Variants in TBCD observed in about 807,000 individuals in gnomAD.
TBCD encodes tubulin-specific chaperone D.
TBCD carries 105 observed loss-of-function variants against 169.3 expected under a neutral mutation model. The observed-to-expected ratio is 0.62, with a 90% confidence interval of 0.53 to 0.73. The LOEUF (loss-of-function observed/expected upper bound fraction) is 0.73. Ranked by LOEUF, TBCD falls within the 30% of genes least tolerant of loss-of-function variation. The probability of loss-of-function intolerance (pLI) is 0.00; values close to 1 mark genes in which losing one functional copy is unlikely to be tolerated. For synonymous variants in TBCD, 700 were observed against 643.9 expected (o/e 1.09, Z -1.32); for missense variants, 1,444 against 1,600.1 (o/e 0.90, Z 1.66).
chr17:82,928,413 C>T (rs576400837), intron 30 of TBCD, among the ~76,000 whole-genome samples: 1 of 152,336 alleles, frequency 6.6e-6, no homozygotes, highest in South Asian at 2.1e-4. Flanking sequence ...GGGGCCTGCC[C>T]TTGCTGTGTG....
chr17:82,942,505 A>G lies in TBCD; in HGVS notation c.*42A>G, dbSNP rs760108641. ...CATACCTCACCCCTGCCTGGTGAGG[A>G]TGTCTTGTTCCTGAGGGAGGCCGGT... On this transcript the variant is annotated 3_prime_UTR_variant, in exon 39 of 39. Transcript: ENST00000355528. 14 of 1,613,522 alleles carry G rather than the reference A, an allele frequency of 8.7e-6. No homozygotes were observed. The South Asian group carries it at 1.3e-4, about 15-fold the overall frequency.
chr17:82,938,001 G>T, intron 35 of TBCD, 48 bp from the exon 36 acceptor site: 1 of 1,605,458 alleles, frequency 6.2e-7, no homozygotes. Flanking sequence ...GCTGGGGTTG[G>T]CCTGCGCGGG....
intron 7 of TBCD, 80 bp downstream of exon 7, chr17:82,781,801 G>A: frequency 6.4e-7 from 1 of 1,568,198 alleles, no homozygotes; most frequent in East Asian, 2.3e-5. Context: ...TGTTACCTGT[G>A]ATTCCATCTT....
chr17:82,856,071 C>T (rs892431948), intron 13 of TBCD, among the ~76,000 whole-genome samples: 2 of 137,444 alleles, frequency 1.5e-5, no homozygotes, highest in Admixed American at 7.9e-5. Context: ...CTCCTGGCCT[C>T]AAATGATCCT....
intron 6 of TBCD, 54 bp from the exon 7 acceptor site, chr17:82,781,535 G>A: frequency 1.2e-6 from 2 of 1,601,530 alleles, no homozygotes; most frequent in Non-Finnish European, 1.7e-6. Flanking sequence ...GGCTGGTGAG[G>A]CGTGGGCGAG....
Position 82,781,722 on chromosome 17 carries a change from G to T in TBCD, c.771+1G>T. 1.2e-6 allele frequency: 2 copies of T among 1,613,548 alleles called. No individual in the cohort carries two copies. The highest frequency in any genetic ancestry group is 1.7e-6 in the Non-Finnish European group (2 of 1,179,808). On this transcript the variant is annotated splice_donor_variant, in intron 7 of 38. Coordinates refer to ENST00000355528, the MANE Select transcript of TBCD (RefSeq NM_005993.5). LOFTEE classifies it high-confidence loss of function. ...CATGGATGGGACGCTGCAGGCCCTG[G>T]TAAGTGCTGCCCGCAGGGGCTGTGG... is the stretch of plus-strand genomic sequence containing the variant.
rs1412906985 is a variant in TBCD at position 82,915,238 on chromosome 17, C to T, written c.2038+3449C>T. ...GGTGACATGCCGCCCGCAGGAGCAT[C>T]AGGTGCGCCCTGGCCGCAGGTGCCC... On this transcript the variant is annotated intron_variant, in intron 23 of 38. Coordinates refer to ENST00000355528, the MANE Select transcript of TBCD (RefSeq NM_005993.5). This position sits in a 1 kb window ranked among gnomAD's most constrained non-coding sequence, Gnocchi z 4.3. Among the ~76,000 whole-genome samples the T allele has an allele frequency of 6.6e-6, 1 of 152,180 alleles. No homozygotes were observed. The highest frequency in any genetic ancestry group is 1.5e-5 in the Non-Finnish European group (1 of 68,028).
chr17:82,904,768 T>C (rs1417074688), intron 19 of TBCD, among the ~76,000 whole-genome samples: 1 of 152,182 alleles, frequency 6.6e-6, no homozygotes, highest in African/African-American at 2.4e-5. Flanking sequence ...CTAAGGGATC[T>C]TTCAGCTTCG....
chr17:82,759,847 C>T (rs2143867566), intron 2 of TBCD, among the ~76,000 whole-genome samples: 1 of 150,524 alleles, frequency 6.6e-6, no homozygotes, highest in East Asian at 1.9e-4. Flanking sequence ...GTTCCATTGA[C>T]CTATCTGTAT....
chr17:82,906,258 C>T (rs1447693967), intron 20 of TBCD, among the ~76,000 whole-genome samples: 1 of 152,226 alleles, frequency 6.6e-6, no homozygotes, highest in East Asian at 1.9e-4. Context: ...GGGTGGACCA[C>T]CCACCTCTTC....
chr17:82,924,682 G>A (rs544905110), intron 26 of TBCD, among the ~76,000 whole-genome samples: 8 of 152,194 alleles, frequency 5.3e-5, no homozygotes, highest in Non-Finnish European at 1.2e-4. Flanking sequence ...CTGAGTGTGG[G>A]GTTGAGGCTG....
At chr17:82,941,377 A>T (rs2063237865) in intron 37 of TBCD, 22 bp from the exon 38 acceptor site, 2 of 1,564,384 alleles carry the variant, frequency 1.3e-6, no homozygotes, top group Non-Finnish European at 1.7e-6. Flanking sequence ...CGAGAGACTC[A>T]CGGCTCTCCC....
intron 2 of TBCD, among the ~76,000 whole-genome samples, chr17:82,757,646 A>C (rs1243821198): frequency 2.6e-5 from 4 of 151,218 alleles, no homozygotes; most frequent in African/African-American, 4.9e-5. Flanking sequence ...ACCAAAAAAA[A>C]CCCTCTAAAT....
At chr17:82,837,256 T>G (rs1023233396) in intron 13 of TBCD, among the ~76,000 whole-genome samples, 3 of 152,248 alleles carry the variant, frequency 2.0e-5, no homozygotes. Context: ...CGACGGCCAG[T>G]ACCTCAGGCT....
At chr17:82,797,178 G>A (rs1252496151) in intron 7 of TBCD, among the ~76,000 whole-genome samples, 1 of 152,216 alleles carries the variant, frequency 6.6e-6, no homozygotes, top group Non-Finnish European at 1.5e-5. Context: ...TAGAACCAGT[G>A]TTTGAGAGAA....
intron 31 of TBCD, 37 bp downstream of exon 31, chr17:82,929,308 C>A (rs750525759): frequency 1.2e-6 from 2 of 1,610,892 alleles, no homozygotes; most frequent in Admixed American, 1.7e-5. Context: ...GCTGGCCCCG[C>A]AGCCATGGCG....
Position 82,797,762 on chromosome 17 carries a change from A to C in TBCD, c.777A>C (p.Gln259His), listed in dbSNP as rs1247156871. ...TMDGTLQALA[Q>H]IFKHGKREDC... ...ATCTTTTTTTTTTTTTTTAGGCACAAATATTTAAACATGGAAAACGTGAAG... is the reference window on the plus strand; with the variant it reads ...ATCTTTTTTTTTTTTTTTAGGCACACATATTTAAACATGGAAAACGTGAAG... The change falls in exon 8 of 39, where the codon CAA (glutamine) becomes CAC (histidine). Residue 259 changes from glutamine (Q) to histidine (H), a missense_variant. Transcript: ENST00000355528. 2 of 1,569,566 alleles carry C rather than the reference A, an allele frequency of 1.3e-6. No individual in the cohort carries two copies. The highest frequency in any genetic ancestry group is 2.8e-5 in the African/African-American group (2 of 72,392).
chr17:82,796,917 T>C (rs1276572719), intron 7 of TBCD, among the ~76,000 whole-genome samples: 1 of 152,230 alleles, frequency 6.6e-6, no homozygotes, highest in Non-Finnish European at 1.5e-5. Context: ...TCTTCATTTT[T>C]CCGTGTGGTG....
At position 82,942,431 on chromosome 17, in the gene TBCD, G is replaced by C. The variant is rs1239392082; in HGVS notation, c.3565-18G>C. 2.5e-6 allele frequency: 4 copies of C among 1,613,960 alleles called. No individual in the cohort carries two copies. The highest frequency in any genetic ancestry group is 2.5e-6 in the Non-Finnish European group (3 of 1,179,888). ...TGTTGGAGCTGACCAGCCTGAGCTT[G>C]TCTTGTCTCTTCTTCAGCCTGGTGC... is the stretch of plus-strand genomic sequence containing the variant. On this transcript the variant is annotated intron_variant, in intron 38 of 38. Transcript: ENST00000355528.
Sources: gnomAD v4.1 joint callset for allele counts (sites outside exome capture counted in the v4.1 genomes callset) on GRCh38, gnomAD v4.1.1 for gene constraint, Gnocchi (gnomAD v3.1) non-coding constraint, MANE v1.5 for transcripts, NCBI Gene and HGNC (gene_info 2026-07-23, HGNC 2026-07-21) for gene names.